Variants in PTPN3 observed in about 807,000 individuals in gnomAD.
The protein encoded by PTPN3 is tyrosine-protein phosphatase non-receptor type 3.
In PTPN3, 96 loss-of-function variants were observed where a neutral mutation model predicts 132.7. That is an observed-to-expected ratio of 0.72 (90% CI 0.61 to 0.86). The LOEUF is 0.86. Ranked by LOEUF, PTPN3 falls within the 40% of genes least tolerant of loss-of-function variation. The probability of loss-of-function intolerance (pLI) is 0.00; values close to 1 mark genes in which losing one functional copy is unlikely to be tolerated. For missense variants in PTPN3, 1,125 were observed against 1,159.6 expected (o/e 0.97, Z 0.43); for synonymous variants, 398 against 429.0 (o/e 0.93, Z 0.89).
At chr9:109,408,796 A>AAATATAT (rs1377996219) in intron 16 of PTPN3, among the ~76,000 whole-genome samples, 18 of 108,360 alleles carry the variant, frequency 1.7e-4, no homozygotes, top group African/African-American at 5.6e-4. Flanking sequence ...AAAAAAAAAA[A>AAATATAT]ATATATATAT....
chr9:109,469,782 T>C (rs1330791795), intron 1 of PTPN3, among the ~76,000 whole-genome samples: 6 of 152,184 alleles, frequency 3.9e-5, no homozygotes, highest in Non-Finnish European at 7.3e-5. Flanking sequence ...AAATGAATCA[T>C]GGGTGGCTCA....
At chr9:109,477,107 A>G (rs1564477004) in intron 1 of PTPN3, among the ~76,000 whole-genome samples, 2 of 152,182 alleles carry the variant, frequency 1.3e-5, no homozygotes, top group Non-Finnish European at 2.9e-5. Context: ...GGCATCACAC[A>G]CCACCCACTC....
intron 14 of PTPN3, 132 bp from the exon 15 acceptor site, chr9:109,410,547 C>T (rs973259317): frequency 1.5e-5 from 16 of 1,035,052 alleles, no homozygotes; most frequent in Middle Eastern, 3.1e-4. Context: ...AGGTTGTCAG[C>T]GGGATTTGAG....
the PTPN3 span, among the ~76,000 whole-genome samples, chr9:109,510,285 G>A: frequency 3.3e-5 from 5 of 151,950 alleles, no homozygotes; most frequent in Admixed American, 6.6e-5. Flanking sequence ...ACAGCTGGGC[G>A]TGGTGGCTCA....
intron 14 of PTPN3, among the ~76,000 whole-genome samples, chr9:109,419,377 AT>A (rs1036656487): frequency 2.0e-5 from 3 of 152,200 alleles, no homozygotes; most frequent in Non-Finnish European, 4.4e-5. Flanking sequence ...AAATTTACAG[AT>A]TAACTAACGT....
In PTPN3 at chr9:109,379,524, G is replaced by A. The variant is rs1045263349; in HGVS notation, c.*32C>T. On this transcript the variant is annotated 3_prime_UTR_variant, in exon 26 of 26. Coordinates refer to ENST00000374541, the MANE Select transcript of PTPN3 (RefSeq NM_002829.4). Reference sequence around the variant, plus strand: ...CTCCTCTTTCAAGGAGGATGCCCTTGGGAAAGAGGAATGAACTTTTTCACA... The same window carrying A: ...CTCCTCTTTCAAGGAGGATGCCCTTAGGAAAGAGGAATGAACTTTTTCACA... The A allele has an allele frequency of 3.2e-6, 5 of 1,580,078 alleles. No homozygotes were observed. Among genetic ancestry groups the A allele is most frequent in the Admixed American group, 1.7e-5 (1 of 59,940 alleles).
intron 10 of PTPN3, chr9:109,429,166 G>A (rs559178776): frequency 2.0e-6 from 1 of 498,310 alleles, no homozygotes; most frequent in African/African-American, 2.1e-5. Context: ...ATACTAGGCT[G>A]CTACTAAGAG....
rs113401313 is a variant in PTPN3 at position 109,391,879 on chromosome 9, G to T, written c.1954-318C>A. ...TAAAAGCAACTAGATGTGGGGGGGG[G>T]GGGGAAGAATTCTGGCTCAAAATTA... On this transcript the variant is annotated intron_variant, in intron 19 of 25. Transcript: ENST00000374541. Among the ~76,000 whole-genome samples, 4 of 96,874 alleles carry T rather than the reference G, an allele frequency of 4.1e-5. 1 individual carries two copies. Among genetic ancestry groups the T allele is most frequent in the East Asian group, 6.8e-4 (2 of 2,954 alleles). The allele number at this position is 96,874 out of a possible 152,430, so 63.6% of individuals were successfully genotyped here.
chr9:109,438,936 G>C (rs980777025), intron 7 of PTPN3, among the ~76,000 whole-genome samples: 2 of 152,210 alleles, frequency 1.3e-5, no homozygotes, highest in Non-Finnish European at 2.9e-5. Flanking sequence ...GCTATCAGGG[G>C]AATCACATTA....
At chr9:109,385,634 T>C (rs1839519329) in intron 22 of PTPN3, among the ~76,000 whole-genome samples, 3 of 152,172 alleles carry the variant, frequency 2.0e-5, no homozygotes, top group Admixed American at 2.0e-4. Flanking sequence ...TACTCTGGAA[T>C]GACAAGAAAA....
chr9:109,489,490 C>A (rs1268127450), intron 1 of PTPN3, among the ~76,000 whole-genome samples: 2 of 152,128 alleles, frequency 1.3e-5, no homozygotes, highest in African/African-American at 2.4e-5. Flanking sequence ...TAAATCCGGA[C>A]GTGACCACAC....
At chr9:109,440,928 A>G (rs1190849962) in intron 7 of PTPN3, among the ~76,000 whole-genome samples, 1 of 152,200 alleles carries the variant, frequency 6.6e-6, no homozygotes, top group Non-Finnish European at 1.5e-5. Context: ...AAACAGTGAT[A>G]AACATTTGCA....
At chr9:109,432,176 A>G (rs1464065315) in intron 10 of PTPN3, among the ~76,000 whole-genome samples, 2 of 151,776 alleles carry the variant, frequency 1.3e-5, no homozygotes, top group Non-Finnish European at 2.9e-5. Context: ...CCTGTTATAA[A>G]TAATGCTGTG....
At chr9:109,387,489 C>T (rs978877640) in intron 22 of PTPN3, among the ~76,000 whole-genome samples, 18 of 152,158 alleles carry the variant, frequency 1.2e-4, no homozygotes, top group African/African-American at 3.9e-4. Flanking sequence ...TGCCTCTGGC[C>T]CTGTGAGACA....
intron 18 of PTPN3, among the ~76,000 whole-genome samples, chr9:109,405,486 T>C (rs1841488574): frequency 6.6e-6 from 1 of 152,242 alleles, no homozygotes; most frequent in African/African-American, 2.4e-5. Flanking sequence ...TATTATTTTA[T>C]AACAACAACT....
chr9:109,412,616 A>G (rs1340703996), intron 14 of PTPN3, among the ~76,000 whole-genome samples: 1 of 151,934 alleles, frequency 6.6e-6, no homozygotes, highest in East Asian at 1.9e-4. Context: ...CTCGTGATCC[A>G]CCTGCCTCGG....
chr9:109,519,115 A>C, the PTPN3 span, among the ~76,000 whole-genome samples: 1 of 152,162 alleles, frequency 6.6e-6, no homozygotes, highest in Admixed American at 6.5e-5. Flanking sequence ...TCCAGAACCC[A>C]GCACTGGGCC....
chr9:109,383,415 C>A lies in PTPN3; in HGVS notation c.2382+8G>T. On this transcript the variant is annotated splice_region_variant and intron_variant, in intron 23 of 25. Coordinates refer to ENST00000374541, the MANE Select transcript of PTPN3 (RefSeq NM_002829.4). ...CCCCTCCACCGTGCCCCTCAGGCTG[C>A]GGCTCACCTGGGTGTTTGTGACCAG... The A allele has an allele frequency of 6.2e-7, 1 of 1,614,036 alleles. No homozygotes were observed. The highest frequency in any genetic ancestry group is 8.5e-7 in the Non-Finnish European group (1 of 1,179,992).
At chr9:109,499,294 G>A (rs1276613385), upstream of PTPN3, among the ~76,000 whole-genome samples, 2 of 152,048 alleles carry the variant, frequency 1.3e-5, no homozygotes, top group African/African-American at 4.8e-5. Context: ...TTGAGCTGAT[G>A]GACGGTCTGA....
Sources: allele counts gnomAD v4.1 joint callset (sites outside exome capture counted in the v4.1 genomes callset), GRCh38; gene constraint gnomAD v4.1.1; transcripts MANE v1.5; gene names NCBI Gene and HGNC (gene_info 2026-07-23, HGNC 2026-07-21).